EPC1: variants seen among roughly 807,000 people sequenced by gnomAD.
The protein encoded by EPC1 is enhancer of polycomb homolog 1.
In EPC1, 12 loss-of-function variants were observed where a neutral mutation model predicts 98.4. The observed-to-expected ratio is 0.12, with a 90% CI of 0.08 to 0.20. The LOEUF (loss-of-function observed/expected upper bound fraction) is 0.20. Ranked by LOEUF, EPC1 falls within the 10% of genes least tolerant of loss-of-function variation. The pLI is 1.00. For synonymous variants in EPC1, 357 were observed against 363.9 expected (o/e 0.98, Z 0.21); for missense variants, 729 against 990.5 (o/e 0.74, Z 3.54).
In EPC1 at chr10:32,292,895, T is replaced by G. The variant is rs769768457; in HGVS notation, c.666+93A>C. Reference sequence around the variant, plus strand: ...TTTTCTTATAATTGGAAAGTCATATTTGAATATAAATTAAACCACAGTATT... The same window carrying G: ...TTTTCTTATAATTGGAAAGTCATATGTGAATATAAATTAAACCACAGTATT... On this transcript the variant is annotated intron_variant, in intron 4 of 13. Coordinates refer to ENST00000319778, the MANE Select transcript of EPC1 (RefSeq NM_001272004.3). The G allele has an allele frequency of 9.2e-6, 8 of 873,116 alleles. No homozygotes were observed. The African/African-American group carries it at 1.2e-4, about 13-fold the overall frequency. The allele number at this position is 873,116 out of a possible 1,614,324, so 54.1% of individuals were successfully genotyped here.
chr10:32,324,993 C>CT lies in EPC1; in HGVS notation c.154-19063dup, dbSNP rs1837189116. 2.6e-5 allele frequency among the ~76,000 whole-genome samples: 4 copies of CT among 152,088 alleles called. No individual in the cohort carries two copies. The South Asian group carries it at 6.2e-4, about 24-fold the overall frequency. On this transcript the variant is annotated intron_variant, in intron 1 of 13. Transcript: ENST00000319778. The stretch of plus-strand genomic sequence containing the variant: ...CCAGCCAGGGCGACAGAGTGAGACT[C>CT]TGTCTCAAAAGAAAAATAAATAAAT...
intron 2 of EPC1, among the ~76,000 whole-genome samples, chr10:32,294,636 G>A (rs566272192): frequency 6.6e-6 from 1 of 152,294 alleles, no homozygotes; most frequent in South Asian, 2.1e-4. Context: ...GATGGAAATG[G>A]GAGGATCTTA....
exon 1 of EPC1, chr10:32,378,496 G>A: frequency 2.6e-6 from 4 of 1,547,004 alleles, no homozygotes; most frequent in Non-Finnish European, 3.5e-6. Context: ...CTTACCATTA[G>A]TGCAGGCAAA....
intron 2 of EPC1, among the ~76,000 whole-genome samples, chr10:32,296,406 A>C (rs2132756847): frequency 6.6e-6 from 1 of 152,276 alleles, no homozygotes; most frequent in East Asian, 1.9e-4. Flanking sequence ...ATCAAAATAC[A>C]CTTGCCATAG....
intron 1 of EPC1, among the ~76,000 whole-genome samples, chr10:32,322,783 T>C (rs1837008468): frequency 6.6e-6 from 1 of 151,954 alleles, no homozygotes. Context: ...AACAAAAAAC[T>C]GAACTCATGG....
At chr10:32,291,080 G>A (rs2132726906) in intron 6 of EPC1, 83 bp downstream of exon 6, 4 of 1,317,240 alleles carry the variant, frequency 3.0e-6, no homozygotes, top group Non-Finnish European at 4.3e-6. Context: ...CCCGGCCTAT[G>A]TGTGTTTTTC....
At chr10:32,310,024 G>A (rs1375764418) in intron 1 of EPC1, among the ~76,000 whole-genome samples, 2 of 151,660 alleles carry the variant, frequency 1.3e-5, no homozygotes, top group East Asian at 3.9e-4. Context: ...GTGAAACCCC[G>A]TCTCTACTAA....
In EPC1 at chr10:32,291,336, A is replaced by C; in HGVS notation, c.816-14T>G. 6.3e-7 allele frequency: 1 copy of C among 1,587,202 alleles called. No individual in the cohort carries two copies. Among genetic ancestry groups the C allele is most frequent in the Non-Finnish European group, 8.6e-7 (1 of 1,162,400 alleles). On this transcript the variant is annotated splice_polypyrimidine_tract_variant and intron_variant, in intron 5 of 13. Transcript: ENST00000319778. ...CCCAAATTATACCTAAAATTATACA[A>C]ATGAAAGTTTAAAATTATATATATT...
chr10:32,271,607 T>C lies in EPC1; in HGVS notation c.2316A>G (p.Ala772=). Residue 772 remains alanine, a synonymous_variant, in exon 13 of 14, where the codon GCA becomes GCG. Coordinates refer to ENST00000319778, the MANE Select transcript of EPC1 (RefSeq NM_001272004.3). ...ATGGGACCTTGGAAACTTGACAGTT[T>C]GCTGCAGCGGCCAGCTTTAAGGCAG... ...PSSALKLAAA[A]NCQVSKVPSS... 6.2e-7 allele frequency: 1 copy of C among 1,614,226 alleles called. No individual in the cohort carries two copies.
chr10:32,300,325 A>T (rs185844251), intron 2 of EPC1, among the ~76,000 whole-genome samples: 9 of 152,012 alleles, frequency 5.9e-5, no homozygotes, highest in African/African-American at 1.9e-4. Flanking sequence ...TACATGTGCC[A>T]TGTTGGTGTG....
chr10:32,344,337 A>AT, intron 1 of EPC1, among the ~76,000 whole-genome samples: 1 of 152,264 alleles, frequency 6.6e-6, no homozygotes, highest in South Asian at 2.1e-4. Flanking sequence ...CTTGAGGTCT[A>AT]TGCTTCTCTC....
intron 2 of EPC1, among the ~76,000 whole-genome samples, chr10:32,300,299 G>A (rs1037823557): frequency 1.3e-5 from 2 of 151,870 alleles, no homozygotes; most frequent in African/African-American, 2.4e-5. Context: ...CAACATGCAG[G>A]TTTGTTACAT....
At chr10:32,337,854 G>A (rs1409096194) in intron 1 of EPC1, among the ~76,000 whole-genome samples, 1 of 151,894 alleles carries the variant, frequency 6.6e-6, no homozygotes, top group Non-Finnish European at 1.5e-5. Flanking sequence ...ACATGCCAAT[G>A]GCACATATCT....
intron 3 of EPC1, 51 bp from the exon 4 acceptor site, chr10:32,293,245 A>AT (rs1163703182): frequency 7.4e-7 from 1 of 1,342,482 alleles, no homozygotes; most frequent in South Asian, 1.3e-5. Context: ...TACAAGGTTC[A>AT]TAAGTATTTA....
chr10:32,273,592 G>C (rs1262650856), intron 10 of EPC1, among the ~76,000 whole-genome samples: 1 of 152,006 alleles, frequency 6.6e-6, no homozygotes, highest in Non-Finnish European at 1.5e-5. Context: ...TCTACACAGT[G>C]TAGAAAGATA....
intron 1 of EPC1, among the ~76,000 whole-genome samples, chr10:32,331,338 G>A (rs1224639431): frequency 6.8e-6 from 1 of 147,082 alleles, no homozygotes; most frequent in Admixed American, 6.8e-5. Context: ...GGCAAAAACA[G>A]CAAAACTCCA....
At chr10:32,377,067 A>G (rs1346648648) in intron 1 of EPC1, 3 of 152,234 alleles carry the variant, frequency 2.0e-5, no homozygotes, top group Non-Finnish European at 4.4e-5. Context: ...AATAAGAACA[A>G]AGATGGAAAA....
chr10:32,347,280 C>G, upstream of EPC1: 1 of 934,176 alleles, frequency 1.1e-6, no homozygotes, highest in Non-Finnish European at 1.3e-6. Context: ...GTCCCGCCAA[C>G]CCCCGGCACC....
chr10:32,296,224 C>T (rs1413419506), intron 2 of EPC1, among the ~76,000 whole-genome samples: 5 of 152,098 alleles, frequency 3.3e-5, no homozygotes, highest in African/African-American at 7.2e-5. Context: ...CGTGAGCCAC[C>T]GCGCCCGGCC....
Sources: gnomAD v4.1 joint callset for allele counts (sites outside exome capture counted in the v4.1 genomes callset) on GRCh38, gnomAD v4.1.1 for gene constraint, MANE v1.5 for transcripts, NCBI Gene and HGNC (gene_info 2026-07-23, HGNC 2026-07-21) for gene names.